The following NEBL variants were observed in gnomAD, a reference collection of about 807,000 sequenced individuals.
NEBL encodes the protein nebulette.
A neutral mutation model predicts 140.2 loss-of-function variants in NEBL; 122 were observed. The ratio of observed to expected loss-of-function variants is 0.87; its 90% CI spans 0.75 to 1.01. NEBL has a LOEUF of 1.01. NEBL is among the 50% of genes least tolerant of loss of function. The pLI is 0.00. For missense variants in NEBL, 1,365 were observed against 1,231.3 expected, an observed-to-expected ratio of 1.11 and a Z score of -1.62; for synonymous variants, 436 against 398.9, an observed-to-expected ratio of 1.09 and a Z score of -1.11.
intron 2 of NEBL, among the ~76,000 whole-genome samples, chr10:21,067,175 G>T (rs758375224): frequency 2.4e-4 from 36 of 151,944 alleles, no homozygotes; most frequent in Non-Finnish European, 4.1e-4. Context: ...GTTTCACCGT[G>T]TTAGCCAGGA....
intron 3 of NEBL, among the ~76,000 whole-genome samples, chr10:21,213,567 G>C (rs1007515090): frequency 6.6e-6 from 1 of 152,134 alleles, no homozygotes; most frequent in African/African-American, 2.4e-5. Flanking sequence ...CTAATGAATA[G>C]CCAGGAAGTG....
intron 1 of NEBL, among the ~76,000 whole-genome samples, chr10:21,269,433 T>G (rs977264342): frequency 1.3e-5 from 2 of 152,300 alleles, no homozygotes; most frequent in African/African-American, 2.4e-5. Flanking sequence ...TGGGAAATAG[T>G]CTCGATGAGC....
At chr10:20,857,285 C>A (rs1843172083) in intron 9 of NEBL, among the ~76,000 whole-genome samples, 1 of 152,206 alleles carries the variant, frequency 6.6e-6, no homozygotes, top group Admixed American at 6.5e-5. Context: ...CTAAAATTGA[C>A]CTGAAGCTGT....
chr10:20,889,756 T>C (rs1846856514), intron 3 of NEBL, 89 bp downstream of exon 3: 1 of 827,014 alleles, frequency 1.2e-6, no homozygotes, highest in Non-Finnish European at 2.1e-6. Context: ...TTGAAAATAT[T>C]ATTCTTCATC....
intron 13 of NEBL, among the ~76,000 whole-genome samples, chr10:20,837,642 C>G (rs114966199): frequency 2.2e-4 from 34 of 152,240 alleles, no homozygotes; most frequent in African/African-American, 7.7e-4. Context: ...GCAGACAAAC[C>G]AGCCTTCTAT....
intron 4 of NEBL, among the ~76,000 whole-genome samples, chr10:20,949,867 C>T (rs1480783529): frequency 6.6e-6 from 1 of 152,014 alleles, no homozygotes; most frequent in African/African-American, 2.4e-5. Context: ...ATAAAGAAAA[C>T]AGACATACAG....
intron 4 of NEBL, among the ~76,000 whole-genome samples, chr10:20,914,702 G>A (rs1848465036): frequency 6.6e-6 from 1 of 152,102 alleles, no homozygotes; most frequent in Non-Finnish European, 1.5e-5. Flanking sequence ...GTCAGATTCT[G>A]AGCTACAGGT....
chr10:21,127,161 G>A (rs190117945), intron 2 of NEBL, among the ~76,000 whole-genome samples: 8 of 151,980 alleles, frequency 5.3e-5, no homozygotes, highest in Admixed American at 2.0e-4. Context: ...GATCCCCACC[G>A]AGGGAGGCTG....
chr10:20,894,614 T>C (rs1309016642), intron 2 of NEBL, among the ~76,000 whole-genome samples: 1 of 151,916 alleles, frequency 6.6e-6, no homozygotes, highest in Non-Finnish European at 1.5e-5. Flanking sequence ...TGTATACAGA[T>C]ATAAATTAAG....
At chr10:21,241,352 G>A (rs1177507653) in intron 3 of NEBL, among the ~76,000 whole-genome samples, 1 of 151,960 alleles carries the variant, frequency 6.6e-6, no homozygotes, top group Non-Finnish European at 1.5e-5. Flanking sequence ...GCCGCCTGCG[G>A]GATGAGCTTG....
At chr10:20,948,554 CA>C (rs1336825719) in intron 4 of NEBL, among the ~76,000 whole-genome samples, 3 of 152,144 alleles carry the variant, frequency 2.0e-5, no homozygotes, top group Non-Finnish European at 4.4e-5. Flanking sequence ...AATAAAGGCA[CA>C]GGGGTGGACA....
Position 21,214,578 on chromosome 10 carries a change from A to G in NEBL, n.348+33343T>C, listed in dbSNP as rs146206549. 1.1e-3 allele frequency among the ~76,000 whole-genome samples: 173 copies of G among 150,926 alleles called. 1 individual carries two copies. The highest frequency in any genetic ancestry group is 1.3e-3 in the Admixed American group (20 of 15,094). ...ATGTGCACACATTACACACACGCAC[A>G]CATGCACATTACACACACATATACA... On this transcript the variant is annotated intron_variant and non_coding_transcript_variant, in intron 3 of 8. Transcript: ENST00000675702.
intron 11 of NEBL, among the ~76,000 whole-genome samples, chr10:20,847,279 C>A (rs1456912155): frequency 6.6e-6 from 1 of 152,088 alleles, no homozygotes; most frequent in Non-Finnish European, 1.5e-5. Flanking sequence ...AGATTTCACT[C>A]TCCTCAAGAA....
rs115277987 is a variant in NEBL at position 21,038,200 on chromosome 10, T to C, written c.165-17999A>G. 4.3e-3 allele frequency among the ~76,000 whole-genome samples: 651 copies of C among 152,304 alleles called. 5 individuals carry two copies. The highest frequency in any genetic ancestry group is 0.014 in the African/African-American group (598 of 41,562). ...GGTTATAACCCATGCACTCCCTCCA[T>C]ATATTTTTTTTATTTTAAGTTCTGG... On this transcript the variant is annotated intron_variant, in intron 2 of 6. Transcript: ENST00000417816.
intron 4 of NEBL, among the ~76,000 whole-genome samples, chr10:20,913,713 A>C (rs899163674): frequency 3.9e-5 from 6 of 152,206 alleles, no homozygotes; most frequent in African/African-American, 1.4e-4. Flanking sequence ...TTATTATATT[A>C]ATAGATTTCC....
chr10:21,022,249 T>G (rs543835716), intron 2 of NEBL, among the ~76,000 whole-genome samples: 2 of 152,188 alleles, frequency 1.3e-5, no homozygotes, highest in Admixed American at 6.5e-5. Flanking sequence ...CTTTCTGGTA[T>G]CCACGTGTGT....
intron 26 of NEBL, among the ~76,000 whole-genome samples, chr10:20,798,004 G>A (rs1329566288): frequency 1.3e-5 from 2 of 151,918 alleles, no homozygotes; most frequent in African/African-American, 4.8e-5. Flanking sequence ...TCCAGAGGCT[G>A]AGGCAGGAGG....
chr10:21,155,928 G>A (rs1840319759), intron 2 of NEBL, among the ~76,000 whole-genome samples: 1 of 152,134 alleles, frequency 6.6e-6, no homozygotes, highest in Non-Finnish European at 1.5e-5. Flanking sequence ...GGCCCCAAGA[G>A]GTGGAGTTGG....
Position 21,193,450 on chromosome 10 carries a change from T to G in NEBL, n.349-20973A>C, listed in dbSNP as rs148051822. 3.3e-3 allele frequency among the ~76,000 whole-genome samples: 509 copies of G among 152,224 alleles called. 6 individuals are homozygous for G. The highest frequency in any genetic ancestry group is 0.011 in the African/African-American group (452 of 41,528). On this transcript the variant is annotated intron_variant and non_coding_transcript_variant, in intron 3 of 8. Coordinates refer to the NEBL transcript ENST00000675702. ...TCCCCACTGAAATCACCATTATCTA[T>G]CCCTTCATCACCCACGCTTGGATGA...
Sources: gnomAD v4.1 joint callset for allele counts (sites outside exome capture counted in the v4.1 genomes callset) on GRCh38, gnomAD v4.1.1 for gene constraint, MANE v1.5 for transcripts, NCBI Gene and HGNC (gene_info 2026-07-23, HGNC 2026-07-21) for gene names.